CAMKMT: variants seen among roughly 807,000 people sequenced by gnomAD.
CAMKMT encodes calmodulin-lysine N-methyltransferase.
In CAMKMT, 53 loss-of-function variants were observed where a neutral mutation model predicts 48.0. The observed-to-expected ratio is 1.10, with a 90% CI of 0.89 to 1.39. The LOEUF (loss-of-function observed/expected upper bound fraction) is 1.39. CAMKMT is among the 40% of genes most tolerant of loss of function. CAMKMT has a pLI of 0.00. For synonymous variants in CAMKMT, 165 were observed against 152.3 expected, an observed-to-expected ratio of 1.08 and a Z score of -0.61; for missense variants, 428 against 402.7, an observed-to-expected ratio of 1.06 and a Z score of -0.54.
chr2:44,707,529 G>A, intron 6 of CAMKMT, 67 bp downstream of exon 6: 1 of 1,381,308 alleles, frequency 7.2e-7, no homozygotes, highest in Non-Finnish European at 1.0e-6. Flanking sequence ...AGTAACAATT[G>A]ATATAAAGAA....
In CAMKMT at chr2:44,502,577, A is replaced by C. The variant is rs1292099247; in HGVS notation, c.376+112272A>C. Among the ~76,000 whole-genome samples, 5 of 152,212 alleles carry C rather than the reference A, an allele frequency of 3.3e-5. No individual in the cohort carries two copies. The East Asian group carries it at 9.6e-4, about 29-fold the overall frequency. On this transcript the variant is annotated intron_variant, in intron 3 of 10. Coordinates refer to ENST00000378494, the MANE Select transcript of CAMKMT (RefSeq NM_024766.5). ...CTTGATCTGGTTTGCCATCTTAATT[A>C]GAATTTTAACTTAGCTTTTTAGAGG...
chr2:44,444,603 C>T (rs1204676581), intron 3 of CAMKMT, among the ~76,000 whole-genome samples: 1 of 152,068 alleles, frequency 6.6e-6, no homozygotes, highest in East Asian at 1.9e-4. Context: ...AAAATTTTAT[C>T]GTGGATGTTA....
chr2:44,383,834 G>GTATA (rs561711135), intron 2 of CAMKMT, among the ~76,000 whole-genome samples: 4 of 151,116 alleles, frequency 2.6e-5, no homozygotes, highest in African/African-American at 9.7e-5. Flanking sequence ...GTATTCCATT[G>GTATA]TATATATATA....
chr2:44,444,714 T>C (rs1465498624), intron 3 of CAMKMT, among the ~76,000 whole-genome samples: 2 of 152,190 alleles, frequency 1.3e-5, no homozygotes, highest in Non-Finnish European at 2.9e-5. Flanking sequence ...TGCCAGGTGA[T>C]GGGAATAAAT....
intron 10 of CAMKMT, among the ~76,000 whole-genome samples, chr2:44,770,053 C>T (rs1305794127): frequency 2.0e-5 from 3 of 152,130 alleles, no homozygotes; most frequent in African/African-American, 7.2e-5. Flanking sequence ...TCATGATTTG[C>T]TTTTTCTTCA....
intron 3 of CAMKMT, among the ~76,000 whole-genome samples, chr2:44,621,979 G>A (rs956685893): frequency 4.6e-5 from 7 of 152,294 alleles, no homozygotes; most frequent in South Asian, 4.1e-4. Context: ...GAGGTAAAAG[G>A]TGATGGATTA....
Position 44,362,164 on chromosome 2 carries a change from G to C in CAMKMT, c.138+19G>C. ...GCGGCAGGTAAGGGAGAACCTGCTCGCCTCACCTTTGCCTCTGGTCACTCC... is the reference window on the plus strand; with the variant it reads ...GCGGCAGGTAAGGGAGAACCTGCTCCCCTCACCTTTGCCTCTGGTCACTCC... On this transcript the variant is annotated intron_variant, in intron 1 of 10. Coordinates refer to ENST00000378494, the MANE Select transcript of CAMKMT (RefSeq NM_024766.5). The C allele has an allele frequency of 2.1e-6, 3 of 1,454,318 alleles. No homozygotes were observed. Among genetic ancestry groups the C allele is most frequent in the Non-Finnish European group, 2.7e-6 (3 of 1,115,298 alleles). 90.1% of individuals were successfully genotyped at this position (1,454,318 alleles called of 1,614,324 possible). A position where few individuals can be genotyped will look rare whatever the true frequency, so the allele number is the denominator to read the frequency against.
At chr2:44,365,042 A>G (rs958129383) in intron 1 of CAMKMT, among the ~76,000 whole-genome samples, 3 of 152,238 alleles carry the variant, frequency 2.0e-5, no homozygotes, top group Admixed American at 2.0e-4. Flanking sequence ...AATCGATCAC[A>G]TATATTAAAC....
intron 3 of CAMKMT, among the ~76,000 whole-genome samples, chr2:44,701,856 T>C (rs1677275497): frequency 6.6e-6 from 1 of 152,188 alleles, no homozygotes; most frequent in Admixed American, 6.5e-5. Flanking sequence ...TTATTGAATA[T>C]CTTCATGAAA....
At chr2:44,740,385 C>T (rs1056094814) in intron 7 of CAMKMT, among the ~76,000 whole-genome samples, 1 of 152,098 alleles carries the variant, frequency 6.6e-6, no homozygotes, top group African/African-American at 2.4e-5. Context: ...CCGCTTCGGT[C>T]TCCCAAAGTG....
intron 3 of CAMKMT, among the ~76,000 whole-genome samples, chr2:44,481,905 G>A (rs1213741125): frequency 3.9e-5 from 6 of 151,914 alleles, no homozygotes; most frequent in African/African-American, 1.2e-4. Flanking sequence ...ATTTAAACCC[G>A]GGTTTTAGAA....
At chr2:44,604,159 C>A (rs997864896) in intron 3 of CAMKMT, among the ~76,000 whole-genome samples, 1 of 152,048 alleles carries the variant, frequency 6.6e-6, no homozygotes, top group African/African-American at 2.4e-5. Context: ...TGATATGGCC[C>A]TTGAATTAGA....
At chr2:44,381,463 C>G (rs2104387527) in intron 2 of CAMKMT, among the ~76,000 whole-genome samples, 1 of 152,150 alleles carries the variant, frequency 6.6e-6, no homozygotes, top group South Asian at 2.1e-4. Flanking sequence ...AAAACAATTC[C>G]ACTTTTAGCA....
At chr2:44,767,261 A>G (rs1411152546) in intron 10 of CAMKMT, among the ~76,000 whole-genome samples, 1 of 152,222 alleles carries the variant, frequency 6.6e-6, no homozygotes, top group Non-Finnish European at 1.5e-5. Context: ...GACTAGTATA[A>G]CATGTATTAT....
In CAMKMT at chr2:44,643,345, C is replaced by A. The variant is rs150735532; in HGVS notation, c.377-60938C>A. Among the ~76,000 whole-genome samples the A allele has an allele frequency of 5.3e-3, 813 of 152,138 alleles. 9 individuals carry two copies. The highest frequency in any genetic ancestry group is 0.019 in the African/African-American group (773 of 41,510). The stretch of plus-strand genomic sequence containing the variant: ...TAAAGAAACTGTATGGAACTACTAA[C>A]AAATAACATGAAAAGATACATAATT... On this transcript the variant is annotated intron_variant, in intron 3 of 10. Coordinates refer to ENST00000378494, the MANE Select transcript of CAMKMT (RefSeq NM_024766.5).
chr2:44,394,058 A>T (rs141044569), intron 3 of CAMKMT, among the ~76,000 whole-genome samples: 1 of 152,318 alleles, frequency 6.6e-6, no homozygotes, highest in Non-Finnish European at 1.5e-5. Flanking sequence ...GAACATTTTA[A>T]GCACATCATC....
intron 3 of CAMKMT, among the ~76,000 whole-genome samples, chr2:44,511,359 G>A (rs968156896): frequency 6.6e-6 from 1 of 152,176 alleles, no homozygotes. Context: ...CGCCATCTCG[G>A]CTCACTGCAA....
In CAMKMT at chr2:44,533,150, G is replaced by C. The variant is rs1666582210; in HGVS notation, c.376+142845G>C. ...AAACGGAGTAATAGATCACATATCT[G>C]TGTTAGAAATACAACTTTAAGATGG... On this transcript the variant is annotated intron_variant, in intron 3 of 10. Coordinates refer to ENST00000378494, the MANE Select transcript of CAMKMT (RefSeq NM_024766.5). Among the ~76,000 whole-genome samples, 3 of 151,844 alleles carry C rather than the reference G, an allele frequency of 2.0e-5. No individual in the cohort carries two copies. The South Asian group carries it at 6.2e-4, about 31-fold the overall frequency.
intron 3 of CAMKMT, among the ~76,000 whole-genome samples, chr2:44,456,178 T>C (rs1667553390): frequency 6.6e-6 from 1 of 152,174 alleles, no homozygotes; most frequent in African/African-American, 2.4e-5. Flanking sequence ...TTAATATGTG[T>C]AACTTAAGTG....
Sources: allele counts gnomAD v4.1 joint callset (sites outside exome capture counted in the v4.1 genomes callset), GRCh38; gene constraint gnomAD v4.1.1; transcripts MANE v1.5; gene names NCBI Gene and HGNC (gene_info 2026-07-23, HGNC 2026-07-21).